LIPC: variants seen among roughly 807,000 people sequenced by gnomAD.
The protein encoded by LIPC is hepatic triacylglycerol lipase.
A neutral mutation model predicts 50.7 loss-of-function variants in LIPC; 44 were observed. The ratio of observed to expected loss-of-function variants is 0.87; its 90% confidence interval spans 0.68 to 1.11. The LOEUF (loss-of-function observed/expected upper bound fraction) is 1.11. Ranked by LOEUF, LIPC falls within the 50% of genes most tolerant of loss-of-function variation. The pLI, the probability that LIPC is intolerant of heterozygous loss-of-function variation, is 0.00. For synonymous variants in LIPC, 271 were observed against 256.4 expected (o/e 1.06, Z -0.54); for missense variants, 697 against 648.2 (o/e 1.08, Z -0.82).
At chr15:58,460,536 C>A (rs1447811930) in intron 1 of LIPC, among the ~76,000 whole-genome samples, 2 of 152,218 alleles carry the variant, frequency 1.3e-5, no homozygotes, top group African/African-American at 4.8e-5. Context: ...CGTCTTCCAC[C>A]CTCACTCTCA....
rs28463014 is a variant in LIPC, at chr15:58,499,747, T to C, written c.89-38586T>C. ...ACCCGAAATGCTAAATCTGTCTTCT[T>C]GCTAAACAAGTTGGATTGTCATAAC... On this transcript the variant is annotated intron_variant, in intron 1 of 8. Coordinates refer to ENST00000299022, the MANE Select transcript of LIPC (RefSeq NM_000236.3). Among the ~76,000 whole-genome samples, 512 of 152,302 alleles carry C rather than the reference T, an allele frequency of 3.4e-3. 4 individuals carry two copies. The highest frequency in any genetic ancestry group is 0.012 in the African/African-American group (482 of 41,574).
intron 1 of LIPC, among the ~76,000 whole-genome samples, chr15:58,517,422 TG>T (rs1357717044): frequency 3.3e-5 from 5 of 152,258 alleles, no homozygotes; most frequent in African/African-American, 1.2e-4. Context: ...AAGTCTCTTA[TG>T]TGGCAAAATA....
At chr15:58,513,294 C>G (rs1892389163) in intron 1 of LIPC, among the ~76,000 whole-genome samples, 1 of 152,226 alleles carries the variant, frequency 6.6e-6, no homozygotes, top group South Asian at 2.1e-4. Flanking sequence ...AGTCAGAAAA[C>G]ATTTTTAAAT....
intron 1 of LIPC, among the ~76,000 whole-genome samples, chr15:58,507,131 A>C (rs1222950166): frequency 6.6e-6 from 1 of 152,206 alleles, no homozygotes; most frequent in Non-Finnish European, 1.5e-5. Flanking sequence ...ACTACAATTC[A>C]ATATGAGATT....
chr15:58,506,349 G>A (rs1892147637), intron 1 of LIPC, among the ~76,000 whole-genome samples: 2 of 152,132 alleles, frequency 1.3e-5, no homozygotes, highest in Admixed American at 1.3e-4. Flanking sequence ...TCTTTGGCAT[G>A]GGCACATTGA....
intron 1 of LIPC, among the ~76,000 whole-genome samples, chr15:58,495,944 G>A (rs1405159547): frequency 6.6e-6 from 1 of 152,154 alleles, no homozygotes; most frequent in African/African-American, 2.4e-5. Context: ...AAATTTCCAA[G>A]ACTCGTGGGA....
rs74016904 is a variant in LIPC at position 58,557,680 on chromosome 15, C to T, written c.1052-3184C>T. Among the ~76,000 whole-genome samples, 602 of 152,230 alleles carry T rather than the reference C, an allele frequency of 4.0e-3. 4 individuals carry two copies. The highest frequency in any genetic ancestry group is 0.014 in the African/African-American group (569 of 41,556). On this transcript the variant is annotated intron_variant, in intron 6 of 8. Coordinates refer to ENST00000299022, the MANE Select transcript of LIPC (RefSeq NM_000236.3). ...GATTACAGGCGTGAGCCACCGCGCC[C>T]GGCCTCATTATATGCTTTTAATTGC...
rs78151079 is a variant in LIPC, at chr15:58,507,658, G to A, written c.89-30675G>A. 4.8e-3 allele frequency among the ~76,000 whole-genome samples: 738 copies of A among 152,308 alleles called. 4 individuals are homozygous for A. The highest frequency in any genetic ancestry group is 0.017 in the African/African-American group (702 of 41,560). ...AATACAGAAAGGGTAGCTGGCTAGC[G>A]ACCTTTTTCCATACTCCACCAGGCA... is the stretch of plus-strand genomic sequence containing the variant. On this transcript the variant is annotated intron_variant, in intron 1 of 8. Coordinates refer to ENST00000299022, the MANE Select transcript of LIPC (RefSeq NM_000236.3).
intron 1 of LIPC, among the ~76,000 whole-genome samples, chr15:58,440,651 G>T (rs550602820): frequency 3.3e-5 from 5 of 152,268 alleles, no homozygotes; most frequent in African/African-American, 1.2e-4. Context: ...TGGGAGAGGC[G>T]CATAATTTCA....
intron 1 of LIPC, 178 bp downstream of exon 1, chr15:58,432,298 G>A (rs1469272615): frequency 1.6e-6 from 1 of 636,986 alleles, no homozygotes; most frequent in Non-Finnish European, 2.8e-6. Context: ...AAACAGAAAT[G>A]AAATTTTAGA....
chr15:58,535,459 G>C (rs1171574589), intron 1 of LIPC, among the ~76,000 whole-genome samples: 2 of 152,242 alleles, frequency 1.3e-5, no homozygotes, highest in East Asian at 3.8e-4. Context: ...GTTCAGTCCA[G>C]TTGTTTGTGG....
At chr15:58,457,786 G>A (rs1438924140) in intron 1 of LIPC, among the ~76,000 whole-genome samples, 1 of 152,130 alleles carries the variant, frequency 6.6e-6, no homozygotes, top group African/African-American at 2.4e-5. Context: ...TGGATATATG[G>A]TAAGGATTTC....
chr15:58,499,963 C>A (rs1359474603), intron 1 of LIPC, among the ~76,000 whole-genome samples: 6 of 151,978 alleles, frequency 3.9e-5, no homozygotes, highest in Non-Finnish European at 8.8e-5. Flanking sequence ...TTGGGGAGGT[C>A]TGATTTGGTA....
intron 6 of LIPC, among the ~76,000 whole-genome samples, chr15:58,550,414 A>G (rs906326547): frequency 5.9e-5 from 9 of 152,156 alleles, no homozygotes; most frequent in Non-Finnish European, 1.2e-4. Context: ...GTAGGCATGA[A>G]CCAGGCTGAG....
At chr15:58,484,624 C>T (rs111904157) in intron 1 of LIPC, among the ~76,000 whole-genome samples, 52 of 152,338 alleles carry the variant, frequency 3.4e-4, no homozygotes, top group African/African-American at 1.2e-3. Flanking sequence ...AATAACTTGC[C>T]CAAGGTTACA....
At chr15:58,477,650 T>A (rs1466876874) in intron 1 of LIPC, among the ~76,000 whole-genome samples, 1 of 152,128 alleles carries the variant, frequency 6.6e-6, no homozygotes, top group African/African-American at 2.4e-5. Context: ...ACTCATTCTG[T>A]CCTCCATTGG....
chr15:58,562,208 C>T lies in LIPC; in HGVS notation c.1169+1227C>T, dbSNP rs1395020137. 5.3e-5 allele frequency among the ~76,000 whole-genome samples: 8 copies of T among 152,300 alleles called. No homozygotes were observed. The South Asian group carries it at 1.2e-3, about 24-fold the overall frequency. ...GTCAGACAGGACATCCACCCAAGCCCGAACCCTCACGTCCCTCCTCAGCCT... is the reference window on the plus strand; with the variant it reads ...GTCAGACAGGACATCCACCCAAGCCTGAACCCTCACGTCCCTCCTCAGCCT... On this transcript the variant is annotated intron_variant, in intron 7 of 8. Transcript: ENST00000299022.
rs1462707226 is a variant in LIPC, at chr15:58,567,290, TATAC to T, written c.1389-1422_1389-1419del. The stretch of plus-strand genomic sequence containing the variant: ...ATGTGTGTGTGTGTGTGTATATATA[TATAC>T]ATATATATATACATATATATGTATA... On this transcript the variant is annotated intron_variant, in intron 8 of 8. Transcript: ENST00000299022. Among the ~76,000 whole-genome samples, 545 of 61,202 alleles carry T rather than the reference TATAC, an allele frequency of 8.9e-3. 4 individuals carry two copies. Among genetic ancestry groups the T allele is most frequent in the South Asian group, 0.037 (98 of 2,644 alleles). The allele number at this position is 61,202 out of a possible 152,430, so 40.2% of individuals were successfully genotyped here.
At chr15:58,563,786 A>C in intron 8 of LIPC, 63 bp downstream of exon 8, 7 of 1,255,560 alleles carry the variant, frequency 5.6e-6, no homozygotes, top group Non-Finnish European at 8.0e-6. Context: ...AGGCAGTCTC[A>C]CAATTTAATA....
Sources: allele counts gnomAD v4.1 joint callset (sites outside exome capture counted in the v4.1 genomes callset), GRCh38; gene constraint gnomAD v4.1.1; transcripts MANE v1.5; gene names NCBI Gene and HGNC (gene_info 2026-07-23, HGNC 2026-07-21).